The following RASGEF1C variants were observed in gnomAD, a reference collection of about 807,000 sequenced individuals.
RASGEF1C encodes the protein RasGEF domain family member 1C.
RASGEF1C carries 27 observed loss-of-function variants against 58.1 expected under a neutral mutation model. The ratio of observed to expected loss-of-function variants is 0.46; its 90% CI spans 0.34 to 0.64. The LOEUF (loss-of-function observed/expected upper bound fraction) is 0.64, where lower values mean the gene tolerates loss of function less well. RASGEF1C is among the 30% of genes least tolerant of loss of function. The pLI, the probability that RASGEF1C is intolerant of heterozygous loss-of-function variation, is 0.01. For missense variants in RASGEF1C, 502 were observed against 605.1 expected (o/e 0.83, Z 1.79); for synonymous variants, 243 against 246.3 (o/e 0.99, Z 0.13).
chr5:180,126,492 A>G (rs138557835), intron 6 of RASGEF1C, among the ~76,000 whole-genome samples: 3 of 152,204 alleles, frequency 2.0e-5, no homozygotes, highest in African/African-American at 7.2e-5. Context: ...ATTCCTAGAG[A>G]GTGCTGACGG....
intron 1 of RASGEF1C, among the ~76,000 whole-genome samples, chr5:180,152,911 C>CAAAAAA (rs755521241): frequency 2.8e-5 from 2 of 71,710 alleles, no homozygotes; most frequent in African/African-American, 1.1e-4. Context: ...AACCCCATCT[C>CAAAAAA]AAAAAAAAAA....
chr5:180,121,679 A>C (rs534469365), intron 6 of RASGEF1C, among the ~76,000 whole-genome samples: 157 of 27,864 alleles, frequency 5.6e-3, no homozygotes, highest in East Asian at 0.055. Context: ...ACACACACAC[A>C]CACCCTCATT....
At chr5:180,178,964 G>T (rs1471448859) in intron 1 of RASGEF1C, among the ~76,000 whole-genome samples, 1 of 152,180 alleles carries the variant, frequency 6.6e-6, no homozygotes, top group Non-Finnish European at 1.5e-5. Flanking sequence ...GGACAGCAAG[G>T]TCTGAGGGCT....
chr5:180,163,737 GTTTGTC>G (rs1766980053), intron 1 of RASGEF1C, among the ~76,000 whole-genome samples: 2 of 152,032 alleles, frequency 1.3e-5, no homozygotes, highest in Non-Finnish European at 2.9e-5. Context: ...ACATGGGTCT[GTTTGTC>G]TTTGTCTGGT....
chr5:180,203,698 T>C (rs900389885), intron 1 of RASGEF1C, among the ~76,000 whole-genome samples: 7 of 152,112 alleles, frequency 4.6e-5, no homozygotes, highest in Non-Finnish European at 7.4e-5. Context: ...TACAATGATA[T>C]TGAAACATAC....
intron 1 of RASGEF1C, among the ~76,000 whole-genome samples, chr5:180,191,004 C>T (rs936006986): frequency 6.6e-6 from 1 of 152,096 alleles, no homozygotes; most frequent in African/African-American, 2.4e-5. Context: ...GACAGTTCAT[C>T]GAAGATTTAC....
At chr5:180,119,542 A>G in intron 7 of RASGEF1C, 94 bp from the exon 8 acceptor site, 1 of 915,016 alleles carries the variant, frequency 1.1e-6, no homozygotes. Flanking sequence ...CACCTTCTCT[A>G]AACCCATTGC....
At chr5:180,180,119 G>A (rs1767300061) in intron 1 of RASGEF1C, among the ~76,000 whole-genome samples, 1 of 152,184 alleles carries the variant, frequency 6.6e-6, no homozygotes, top group Non-Finnish European at 1.5e-5. Flanking sequence ...CAGCAGCTCT[G>A]GGGGGAAAGC....
At chr5:180,152,619 C>A (rs10479564) in intron 1 of RASGEF1C, among the ~76,000 whole-genome samples, 75,454 of 142,610 alleles carry the variant, frequency 0.53, 20,475 homozygotes, top group African/African-American at 0.69. Flanking sequence ...CGTTAAATGA[C>A]GAGTTAATGG....
intron 10 of RASGEF1C, among the ~76,000 whole-genome samples, chr5:180,118,331 G>A (rs912452198): frequency 1.3e-5 from 2 of 151,240 alleles, no homozygotes; most frequent in African/African-American, 2.5e-5. Context: ...AGCAGAAGAC[G>A]AAGTGGCCTC....
chr5:180,150,456 T>G (rs532746526), intron 1 of RASGEF1C, among the ~76,000 whole-genome samples: 1 of 152,334 alleles, frequency 6.6e-6, no homozygotes, highest in African/African-American at 2.4e-5. Context: ...GGTATTTATT[T>G]TGTAGAAAAC....
At chr5:180,136,773 C>T (rs1200367991) in intron 3 of RASGEF1C, 17 of 497,294 alleles carry the variant, frequency 3.4e-5, no homozygotes, top group Non-Finnish European at 5.4e-5. Flanking sequence ...TGAGTCTTCG[C>T]GCTGCGGGGA....
In RASGEF1C at chr5:180,148,096, A is replaced by G. The variant is rs570267262; in HGVS notation, c.-6-10038T>C. Among the ~76,000 whole-genome samples the G allele has an allele frequency of 3.3e-5, 5 of 152,190 alleles. No homozygotes were observed. In the East Asian group the frequency reaches 9.6e-4, roughly 29 times the overall value. ...TATTAAATTTTCATTGATATGTGAT[A>G]CCCTTCTTTGTCTCTGGTAATCCTT... On this transcript the variant is annotated intron_variant, in intron 1 of 13. Transcript: ENST00000361132.
chr5:180,167,184 C>T (rs1051370591), intron 1 of RASGEF1C, among the ~76,000 whole-genome samples: 2 of 152,136 alleles, frequency 1.3e-5, no homozygotes, highest in Non-Finnish European at 2.9e-5. Flanking sequence ...TTCTCCTGTC[C>T]TTCTGAGACT....
chr5:180,166,619 G>A (rs1017097364), intron 1 of RASGEF1C, among the ~76,000 whole-genome samples: 4 of 151,492 alleles, frequency 2.6e-5, no homozygotes. Context: ...GGATTAAGGC[G>A]ATTCTCCTGC....
chr5:180,131,111 A>G (rs1766359104), intron 4 of RASGEF1C, among the ~76,000 whole-genome samples: 1 of 152,038 alleles, frequency 6.6e-6, no homozygotes, highest in African/African-American at 2.4e-5. Context: ...GGCCTTCTTA[A>G]TGCCCCCAAT....
chr5:180,151,117 A>G (rs1165329557), intron 1 of RASGEF1C, among the ~76,000 whole-genome samples: 3 of 152,138 alleles, frequency 2.0e-5, no homozygotes, highest in Admixed American at 6.5e-5. Context: ...AGAAGAATCA[A>G]TATTGTGAAA....
In RASGEF1C at chr5:180,136,464, T is replaced by A; in HGVS notation, c.352A>T (p.Thr118Ser). The part of the protein sequence containing the change: ...PKLLQLLAEW[T>S]ETFPRDFQEE... ...TGGAAGTCCCTTGGGAAGGTCTCGG[T>A]CCACTCGGCCAACAGCTGCAGCAGT... The change falls in exon 4 of 14, where the codon ACC becomes TCC. Residue 118 changes from threonine (T) to serine (S), a missense_variant. Coordinates refer to ENST00000361132, the MANE Select transcript of RASGEF1C (RefSeq NM_175062.4). 1 of 1,562,560 alleles carries A rather than the reference T, an allele frequency of 6.4e-7. No individual in the cohort carries two copies.
chr5:180,116,289 G>A (rs1212134230), intron 10 of RASGEF1C, among the ~76,000 whole-genome samples: 2 of 152,040 alleles, frequency 1.3e-5, no homozygotes, highest in South Asian at 2.1e-4. Context: ...CGGATAAGTG[G>A]GCCCTGTGAC....
Sources: gnomAD v4.1 joint callset for allele counts (sites outside exome capture counted in the v4.1 genomes callset) on GRCh38, gnomAD v4.1.1 for gene constraint, MANE v1.5 for transcripts, NCBI Gene and HGNC (gene_info 2026-07-23, HGNC 2026-07-21) for gene names.